Variants in MTHFD2L observed in about 807,000 individuals in gnomAD.
The protein encoded by MTHFD2L is bifunctional methylenetetrahydrofolate dehydrogenase/cyclohydrolase 2, mitochondrial.
A neutral mutation model predicts 34.9 loss-of-function variants in MTHFD2L; 29 were observed. The observed-to-expected ratio is 0.83, with a 90% CI of 0.62 to 1.13. MTHFD2L has a LOEUF of 1.13. Among genes scored for constraint, MTHFD2L ranks in the 50% most tolerant of loss-of-function variants. The probability of loss-of-function intolerance (pLI) is 0.00; values close to 1 mark genes in which losing one functional copy is unlikely to be tolerated. For missense variants in MTHFD2L, 481 were observed against 446.5 expected, an observed-to-expected ratio of 1.08 and a Z score of -0.70; for synonymous variants, 167 against 155.7, an observed-to-expected ratio of 1.07 and a Z score of -0.54.
At chr4:74,206,552 A>G (rs116972253) in intron 5 of MTHFD2L, among the ~76,000 whole-genome samples, 1 of 152,124 alleles carries the variant, frequency 6.6e-6, no homozygotes, top group Non-Finnish European at 1.5e-5. Context: ...GGCTAAGGAA[A>G]GTCTTCTGTA....
intron 1 of MTHFD2L, among the ~76,000 whole-genome samples, chr4:74,165,515 G>A (rs1489159306): frequency 6.6e-5 from 10 of 151,952 alleles, no homozygotes; most frequent in Admixed American, 1.3e-4. Context: ...ATGCCACCAC[G>A]CCCAGCTAAT....
At chr4:74,136,633 T>G (rs933140473) in intron 1 of MTHFD2L, among the ~76,000 whole-genome samples, 1 of 152,010 alleles carries the variant, frequency 6.6e-6, no homozygotes, top group Non-Finnish European at 1.5e-5. Flanking sequence ...AATCTGAAAT[T>G]CATATGGAAC....
At chr4:74,244,360 G>A (rs560594527) in intron 6 of MTHFD2L, among the ~76,000 whole-genome samples, 1 of 152,248 alleles carries the variant, frequency 6.6e-6, no homozygotes, top group African/African-American at 2.4e-5. Context: ...TTTTGTCAAT[G>A]GGAAGGAAGA....
At chr4:74,202,088 C>G (rs961030472) in intron 5 of MTHFD2L, among the ~76,000 whole-genome samples, 1 of 152,186 alleles carries the variant, frequency 6.6e-6, no homozygotes, top group African/African-American at 2.4e-5. Flanking sequence ...GCATCTGGGC[C>G]GCTTACAGAC....
chr4:74,144,824 C>A (rs1723491813), intron 1 of MTHFD2L, among the ~76,000 whole-genome samples: 2 of 152,046 alleles, frequency 1.3e-5, no homozygotes, highest in Non-Finnish European at 2.9e-5. Flanking sequence ...TGTGAATCTG[C>A]AAGCACAGTA....
chr4:74,279,876 A>G (rs1046484073), intron 6 of MTHFD2L, among the ~76,000 whole-genome samples: 7 of 152,122 alleles, frequency 4.6e-5, no homozygotes, highest in Non-Finnish European at 1.0e-4. Flanking sequence ...TTACATCATT[A>G]TGAGACTAAG....
rs116208737 is a variant in MTHFD2L at position 74,294,494 on chromosome 4, A to G, written c.932-7203A>G. Among the ~76,000 whole-genome samples, 508 of 152,216 alleles carry G rather than the reference A, an allele frequency of 3.3e-3. 2 individuals carry two copies. Among genetic ancestry groups the G allele is most frequent in the African/African-American group, 0.012 (488 of 41,552 alleles). ...TGAAGGATGGATTGATGGTGCCAGA[A>G]GATTCATGACCACGTACTTTCTGTT... On this transcript the variant is annotated intron_variant, in intron 7 of 7. Transcript: ENST00000325278.
At chr4:74,216,844 T>G (rs1005381759) in intron 5 of MTHFD2L, among the ~76,000 whole-genome samples, 3 of 151,824 alleles carry the variant, frequency 2.0e-5, no homozygotes, top group African/African-American at 7.3e-5. Flanking sequence ...CAACTTCTAT[T>G]TCTCACTTGG....
At position 74,133,392 on chromosome 4, in the gene MTHFD2L, A is replaced by G. The variant is rs575913102; in HGVS notation, c.-297+7875A>G. On this transcript the variant is annotated intron_variant, in intron 1 of 7. Transcript: ENST00000433372. ...AAGTGCTCTGTTATTATTTCTTAGG[A>G]TAAGCTTTTCTCCCCTTGCTCTTGC... Among the ~76,000 whole-genome samples the G allele has an allele frequency of 3.3e-4, 50 of 152,234 alleles. No homozygotes were observed. In the South Asian group the frequency reaches 0.01, roughly 31 times the overall value.
chr4:74,185,732 A>C (rs374016857), intron 3 of MTHFD2L, among the ~76,000 whole-genome samples: 1 of 152,186 alleles, frequency 6.6e-6, no homozygotes, highest in East Asian at 1.9e-4. Context: ...TCAAAAAGAA[A>C]TGTCTTAATA....
chr4:74,299,953 G>C (rs1374727764), intron 7 of MTHFD2L, among the ~76,000 whole-genome samples: 1 of 152,020 alleles, frequency 6.6e-6, no homozygotes, highest in East Asian at 1.9e-4. Context: ...CATTTCATTG[G>C]CTTTCAGGAA....
At chr4:74,200,688 C>T (rs1734272359) in intron 4 of MTHFD2L, among the ~76,000 whole-genome samples, 1 of 152,162 alleles carries the variant, frequency 6.6e-6, no homozygotes, top group Non-Finnish European at 1.5e-5. Context: ...TAGAATCATA[C>T]TCCTACACTG....
chr4:74,145,095 C>T (rs1328803013), intron 1 of MTHFD2L, among the ~76,000 whole-genome samples: 1 of 151,428 alleles, frequency 6.6e-6, no homozygotes, highest in East Asian at 1.9e-4. Context: ...AGAAAGATTG[C>T]TTCAACATTG....
chr4:74,222,892 C>T (rs533315149), intron 5 of MTHFD2L, among the ~76,000 whole-genome samples: 10 of 152,164 alleles, frequency 6.6e-5, no homozygotes, highest in African/African-American at 2.4e-4. Context: ...CATCATCTCA[C>T]ACCACAGTCA....
chr4:74,123,574 A>T (rs1721865505), upstream of MTHFD2L, among the ~76,000 whole-genome samples: 1 of 152,182 alleles, frequency 6.6e-6, no homozygotes, highest in Non-Finnish European at 1.5e-5. Context: ...GTACAAAATA[A>T]CTTTTGTGGG....
chr4:74,288,163 C>A (rs1748432715), intron 7 of MTHFD2L: 1 of 152,160 alleles, frequency 6.6e-6, no homozygotes, highest in African/African-American at 2.4e-5. Flanking sequence ...AACAGTCATT[C>A]TGAGGTACTG....
At chr4:74,132,836 G>A (rs960819830) in intron 1 of MTHFD2L, among the ~76,000 whole-genome samples, 2 of 152,038 alleles carry the variant, frequency 1.3e-5, no homozygotes, top group Admixed American at 6.6e-5. Flanking sequence ...TATCTATTTT[G>A]AACAGGTTGT....
intron 6 of MTHFD2L, among the ~76,000 whole-genome samples, chr4:74,279,740 C>G (rs985106868): frequency 1.3e-5 from 2 of 152,038 alleles, no homozygotes; most frequent in Non-Finnish European, 2.9e-5. Flanking sequence ...CAAGAAGAAA[C>G]AGGATTTTAT....
chr4:74,168,246 T>C (rs1727176733), intron 1 of MTHFD2L, among the ~76,000 whole-genome samples: 1 of 152,224 alleles, frequency 6.6e-6, no homozygotes, highest in Non-Finnish European at 1.5e-5. Flanking sequence ...TCTGACTTCA[T>C]GTCTTACCCT....
Sources: allele counts gnomAD v4.1 joint callset (sites outside exome capture counted in the v4.1 genomes callset), GRCh38; gene constraint gnomAD v4.1.1; transcripts MANE v1.5; gene names NCBI Gene and HGNC (gene_info 2026-07-23, HGNC 2026-07-21).